The following GRIN2A variants were observed in gnomAD, a reference collection of about 807,000 sequenced individuals.
The protein encoded by GRIN2A is glutamate receptor ionotropic, NMDA 2A.
In GRIN2A, 22 loss-of-function variants were observed where a neutral mutation model predicts 113.4. The observed-to-expected ratio is 0.19, with a 90% CI of 0.14 to 0.28. The LOEUF is 0.28. Ranked by LOEUF, GRIN2A falls within the 10% of genes least tolerant of loss-of-function variation. GRIN2A has a pLI of 1.00. For missense variants in GRIN2A, 1,502 were observed against 1,887.0 expected (o/e 0.80, Z 3.78); for synonymous variants, 827 against 738.4 (o/e 1.12, Z -1.94).
At chr16:9,856,981 A>T (rs535620711) in intron 4 of GRIN2A, among the ~76,000 whole-genome samples, 1 of 152,362 alleles carries the variant, frequency 6.6e-6, no homozygotes, top group East Asian at 1.9e-4. Context: ...AATCATTCTA[A>T]TAGTACATAT....
chr16:9,882,506 G>T (rs920442270), intron 4 of GRIN2A, among the ~76,000 whole-genome samples: 1 of 152,176 alleles, frequency 6.6e-6, no homozygotes, highest in Non-Finnish European at 1.5e-5. Context: ...AATAGAAGGG[G>T]CCGGGTGCGG....
chr16:9,808,193 G>A (rs2042018642), intron 10 of GRIN2A, among the ~76,000 whole-genome samples: 1 of 152,218 alleles, frequency 6.6e-6, no homozygotes, highest in South Asian at 2.1e-4. Flanking sequence ...GCTGGACACT[G>A]CACTCTTTGC....
chr16:10,142,839 G>A (rs1023413777), intron 2 of GRIN2A, among the ~76,000 whole-genome samples: 2 of 151,900 alleles, frequency 1.3e-5, no homozygotes, highest in African/African-American at 4.8e-5. Flanking sequence ...AAAATTCTCG[G>A]GTCTCATCCC....
At chr16:9,781,434 C>T (rs899438779) in intron 11 of GRIN2A, among the ~76,000 whole-genome samples, 1 of 152,160 alleles carries the variant, frequency 6.6e-6, no homozygotes, top group Non-Finnish European at 1.5e-5. Flanking sequence ...GAACACTGCT[C>T]TCTGCAGCCT....
intron 2 of GRIN2A, among the ~76,000 whole-genome samples, chr16:9,976,286 G>T (rs2045772147): frequency 6.6e-6 from 1 of 152,136 alleles, no homozygotes; most frequent in African/African-American, 2.4e-5. Context: ...CTGGGGCTGT[G>T]TACCACCTAA....
At chr16:9,957,846 C>CTATAG (rs2045341727) in intron 2 of GRIN2A, among the ~76,000 whole-genome samples, 1 of 152,180 alleles carries the variant, frequency 6.6e-6, no homozygotes, top group Non-Finnish European at 1.5e-5. Flanking sequence ...AGGTGAACAT[C>CTATAG]ACCTGGGCCT....
chr16:9,870,633 T>C (rs1008089203), intron 4 of GRIN2A, among the ~76,000 whole-genome samples: 1 of 150,694 alleles, frequency 6.6e-6, no homozygotes, highest in Non-Finnish European at 1.5e-5. Flanking sequence ...TTTTTCTTTT[T>C]TTTTTTTTTT....
At chr16:9,864,513 G>A (rs2043128498) in intron 4 of GRIN2A, among the ~76,000 whole-genome samples, 2 of 152,068 alleles carry the variant, frequency 1.3e-5, no homozygotes, top group Admixed American at 6.5e-5. Flanking sequence ...ATAAGTTCCA[G>A]GTAATTAAAC....
intron 3 of GRIN2A, among the ~76,000 whole-genome samples, chr16:9,908,765 AAGAG>A (rs1471181179): frequency 6.6e-6 from 1 of 152,214 alleles, no homozygotes; most frequent in Non-Finnish European, 1.5e-5. Flanking sequence ...CGATGAGAGC[AAGAG>A]AGAGTGGCAA....
In GRIN2A at chr16:9,864,394, C is replaced by G. The variant is rs143950586; in HGVS notation, c.1123-14433G>C. 5.9e-5 allele frequency among the ~76,000 whole-genome samples: 9 copies of G among 152,140 alleles called. No homozygotes were observed. The East Asian group carries it at 1.7e-3, about 29-fold the overall frequency. ...TACCAGCCTGAAAATTATGACTGAA[C>G]ATGACTATAGATATGACTTCTCTTA... On this transcript the variant is annotated intron_variant, in intron 4 of 12. Coordinates refer to ENST00000330684, the MANE Select transcript of GRIN2A (RefSeq NM_001134407.3).
rs1400229980 is a variant in GRIN2A at position 10,139,147 on chromosome 16, G to A, written c.414+40851C>T. Among the ~76,000 whole-genome samples the A allele has an allele frequency of 2.0e-5, 3 of 152,322 alleles. No homozygotes were observed. In the East Asian group the frequency reaches 5.8e-4, roughly 29 times the overall value. ...TGAAACAGACAGCCCTGGAGGCCTGGAATCTGCTGAGGCCATTTCTTCCTG... is the reference window on the plus strand; with the variant it reads ...TGAAACAGACAGCCCTGGAGGCCTGAAATCTGCTGAGGCCATTTCTTCCTG... On this transcript the variant is annotated intron_variant, in intron 2 of 12. Coordinates refer to ENST00000330684, the MANE Select transcript of GRIN2A (RefSeq NM_001134407.3).
At chr16:9,767,082 A>G (rs774103139) in intron 12 of GRIN2A, among the ~76,000 whole-genome samples, 2 of 152,234 alleles carry the variant, frequency 1.3e-5, no homozygotes, top group Non-Finnish European at 2.9e-5. Context: ...AATCATTTGG[A>G]TATGAAAAGC....
At chr16:9,887,032 C>T (rs558485497) in intron 4 of GRIN2A, among the ~76,000 whole-genome samples, 2 of 152,178 alleles carry the variant, frequency 1.3e-5, no homozygotes, top group African/African-American at 2.4e-5. Flanking sequence ...GGATTACAGG[C>T]ACCACCACCA....
intron 10 of GRIN2A, among the ~76,000 whole-genome samples, chr16:9,809,157 C>G (rs1216824179): frequency 6.6e-6 from 1 of 152,160 alleles, no homozygotes; most frequent in African/African-American, 2.4e-5. Flanking sequence ...CGGTGGCTCA[C>G]TCCTGTAATC....
chr16:10,093,121 G>A (rs1221401336), intron 2 of GRIN2A, among the ~76,000 whole-genome samples: 1 of 152,176 alleles, frequency 6.6e-6, no homozygotes, highest in Non-Finnish European at 1.5e-5. Context: ...TTACAGGCAT[G>A]AGCCCCACGC....
chr16:10,165,674 G>C (rs1260365088), intron 2 of GRIN2A, among the ~76,000 whole-genome samples: 1 of 122,186 alleles, frequency 8.2e-6, no homozygotes, highest in Non-Finnish European at 1.7e-5. Flanking sequence ...AGAGAGAAGA[G>C]GAGAGGGGAG....
chr16:9,764,088 C>T lies in GRIN2A; in HGVS notation c.3456G>A (p.Gln1152=), dbSNP rs1085307669. The T allele has an allele frequency of 6.2e-7, 1 of 1,613,490 alleles. No individual in the cohort carries two copies. The highest frequency in any genetic ancestry group is 1.1e-5 in the South Asian group (1 of 91,056). The part of the protein sequence containing the change: ...PENVDFPDPY[Q]DPSENFRKGD... ...CCTTGCGGAAGTTTTCACTGGGATC[C>T]TGGTAGGGGTCCGGGAAGTCCACGT... The change falls in exon 13 of 13, where the codon CAG becomes CAA. Residue 1152 remains glutamine (Q), a synonymous_variant. Coordinates refer to ENST00000330684, the MANE Select transcript of GRIN2A (RefSeq NM_001134407.3).
chr16:9,967,652 G>A (rs2045582544), intron 2 of GRIN2A, among the ~76,000 whole-genome samples: 1 of 152,170 alleles, frequency 6.6e-6, no homozygotes. Flanking sequence ...GTTTCAGTGA[G>A]CCAAGATCGC....
rs1339266857 is a variant in GRIN2A, at chr16:9,762,686, CTG to C, written c.*461_*462del. The C allele has an allele frequency of 3.5e-6, 1 of 285,308 alleles. No individual in the cohort carries two copies. The highest frequency in any genetic ancestry group is 6.7e-6 in the Non-Finnish European group (1 of 150,108). 17.7% of individuals were successfully genotyped at this position (285,308 alleles called of 1,614,324 possible). A position where few individuals can be genotyped will look rare whatever the true frequency, so the allele number is the denominator to read the frequency against. On this transcript the variant is annotated 3_prime_UTR_variant, in exon 13 of 13. Transcript: ENST00000330684. Reference sequence around the variant, plus strand: ...CACTACAGTGCAGATGCATTCTTAACTGTTTTTATTTTGTCTGTGTCAGGTTT... The same window carrying C: ...CACTACAGTGCAGATGCATTCTTAACTTTTTATTTTGTCTGTGTCAGGTTT...
Sources: gnomAD v4.1 joint callset for allele counts (sites outside exome capture counted in the v4.1 genomes callset) on GRCh38, gnomAD v4.1.1 for gene constraint, MANE v1.5 for transcripts, NCBI Gene and HGNC (gene_info 2026-07-23, HGNC 2026-07-21) for gene names.